CFAP251: variants seen among roughly 807,000 people sequenced by gnomAD.
CFAP251 encodes the protein cilia- and flagella-associated protein 251.
A neutral mutation model predicts 126.7 loss-of-function variants in CFAP251; 93 were observed. The observed-to-expected ratio is 0.73, with a 90% CI of 0.62 to 0.87. The LOEUF is 0.87. CFAP251 is among the 40% of genes least tolerant of loss of function. The pLI is 0.00. For synonymous variants in CFAP251, 503 were observed against 506.9 expected (o/e 0.99, Z 0.10); for missense variants, 1,287 against 1,389.2 (o/e 0.93, Z 1.17).
At chr12:121,928,699 TA>T in intron 3 of CFAP251, among the ~76,000 whole-genome samples, 2 of 58,160 alleles carry the variant, frequency 3.4e-5, no homozygotes, top group African/African-American at 2.1e-4. Context: ...CGTATATATA[TA>T]TATATTTTTT....
intron 15 of CFAP251, among the ~76,000 whole-genome samples, chr12:121,965,821 T>TTCTTC (rs35727266): frequency 2.8e-5 from 3 of 108,964 alleles, no homozygotes; most frequent in East Asian, 5.1e-4. Flanking sequence ...CTTCTTCTTC[T>TTCTTC]TTTTTTTTTT....
chr12:122,002,672 T>C (rs1883175702), intron 21 of CFAP251, among the ~76,000 whole-genome samples: 1 of 152,222 alleles, frequency 6.6e-6, no homozygotes. Context: ...CCCTTCCTGC[T>C]ATAGCCTAAG....
At position 121,934,362 on chromosome 12, in the gene CFAP251, C is replaced by A; in HGVS notation, c.998+6C>A. On this transcript the variant is annotated splice_donor_region_variant and intron_variant, in intron 5 of 21. Coordinates refer to ENST00000288912, the MANE Select transcript of CFAP251 (RefSeq NM_144668.6). ...ATATGGGACTCCTTCACAGGGTAGG[C>A]TTTGTGTAGCCACTTCTTTTTTCCC... 1 of 1,602,292 alleles carries A rather than the reference C, an allele frequency of 6.2e-7. No homozygotes were observed. Among genetic ancestry groups the A allele is most frequent in the Non-Finnish European group, 8.5e-7 (1 of 1,170,024 alleles).
intron 7 of CFAP251, among the ~76,000 whole-genome samples, chr12:121,945,109 T>C (rs542789589): frequency 1.3e-5 from 2 of 152,210 alleles, no homozygotes; most frequent in Admixed American, 1.3e-4. Context: ...TATGCTTTCT[T>C]CTTGGGTATT....
intron 3 of CFAP251, among the ~76,000 whole-genome samples, chr12:121,926,623 C>T (rs969415316): frequency 2.6e-5 from 4 of 152,286 alleles, no homozygotes; most frequent in African/African-American, 7.2e-5. Flanking sequence ...CTACCGTACC[C>T]GGCCTCAATT....
intron 19 of CFAP251, among the ~76,000 whole-genome samples, chr12:121,995,372 AC>A: frequency 6.6e-6 from 1 of 152,400 alleles, no homozygotes; most frequent in Middle Eastern, 3.4e-3. Flanking sequence ...AAGCAATTGT[AC>A]ATAGTATAAA....
intron 3 of CFAP251, among the ~76,000 whole-genome samples, chr12:121,928,630 ATATATACGTATATATATATATATATACG>A (rs1216963703): frequency 2.9e-4 from 7 of 23,878 alleles, no homozygotes; most frequent in Admixed American, 2.0e-3. Flanking sequence ...ATATGTGTAT[ATATATACGTATATATATATATATATACG>A]TATATATATA....
intron 15 of CFAP251, among the ~76,000 whole-genome samples, chr12:121,964,756 CG>C (rs1387353832): frequency 2.0e-5 from 3 of 151,982 alleles, no homozygotes; most frequent in Non-Finnish European, 4.4e-5. Flanking sequence ...AAAAATTAGC[CG>C]GGCGTGGTGG....
intron 19 of CFAP251, among the ~76,000 whole-genome samples, chr12:121,981,688 G>A (rs1882627057): frequency 6.6e-6 from 1 of 152,168 alleles, no homozygotes; most frequent in Non-Finnish European, 1.5e-5. Flanking sequence ...AAATGCCATC[G>A]TGGGCCGTGC....
At chr12:121,993,755 G>GA (rs1882941570) in intron 19 of CFAP251, among the ~76,000 whole-genome samples, 1 of 150,950 alleles carries the variant, frequency 6.6e-6, no homozygotes, top group Non-Finnish European at 1.5e-5. Context: ...GAGAAGTGAG[G>GA]AGCCCCTCTG....
chr12:121,963,445 G>T (rs80210329), intron 15 of CFAP251, among the ~76,000 whole-genome samples: 37,605 of 151,342 alleles, frequency 0.25, 5,883 homozygotes, highest in East Asian at 0.49. Flanking sequence ...TGGAGGTCCC[G>T]GGAGAGGCTG....
chr12:122,001,841 C>T (rs1883159579), intron 21 of CFAP251: 2 of 522,050 alleles, frequency 3.8e-6, no homozygotes, highest in South Asian at 2.1e-5. Flanking sequence ...TTCCACTGAC[C>T]TGTCATCTTG....
At chr12:121,960,145 A>C (rs1407476514) in intron 13 of CFAP251, among the ~76,000 whole-genome samples, 3 of 152,262 alleles carry the variant, frequency 2.0e-5, no homozygotes, top group Non-Finnish European at 4.4e-5. Flanking sequence ...AAAAAAACCC[A>C]AAAAAACTAA....
chr12:121,980,254 C>T (rs1824949), intron 19 of CFAP251, among the ~76,000 whole-genome samples: 7,948 of 152,248 alleles, frequency 0.052, 240 homozygotes, highest in Middle Eastern at 0.072. Context: ...ACAGCTAAGA[C>T]GTGGGCAGGT....
intron 3 of CFAP251, among the ~76,000 whole-genome samples, chr12:121,928,678 ATATATATATACG>A (rs1400791640): frequency 1.8e-4 from 8 of 44,182 alleles, no homozygotes; most frequent in African/African-American, 3.7e-4. Context: ...ACGTATATAT[ATATATATATACG>A]TATATATATA....
At chr12:121,944,711 A>G (rs1170188468) in intron 7 of CFAP251, among the ~76,000 whole-genome samples, 1 of 152,134 alleles carries the variant, frequency 6.6e-6, no homozygotes, top group Non-Finnish European at 1.5e-5. Context: ...AAGGCAGCTA[A>G]TTTTTGTGTG....
intron 5 of CFAP251, among the ~76,000 whole-genome samples, chr12:121,940,570 G>T (rs1881071266): frequency 1.3e-5 from 2 of 152,144 alleles, no homozygotes; most frequent in South Asian, 4.1e-4. Flanking sequence ...CATGTGACCC[G>T]CATTCCTGGT....
chr12:121,940,089 C>T (rs11043253), intron 5 of CFAP251, among the ~76,000 whole-genome samples: 9,027 of 152,040 alleles, frequency 0.059, 500 homozygotes, highest in East Asian at 0.21. Flanking sequence ...AAACCTATTA[C>T]GATTTTAATT....
chr12:121,940,659 C>T (rs1471240884), intron 5 of CFAP251, among the ~76,000 whole-genome samples: 2 of 152,202 alleles, frequency 1.3e-5, no homozygotes, highest in African/African-American at 4.8e-5. Flanking sequence ...CAGCTTCCAT[C>T]TTCGCTTCCA....
Sources: gnomAD v4.1 joint callset for allele counts (sites outside exome capture counted in the v4.1 genomes callset) on GRCh38, gnomAD v4.1.1 for gene constraint, MANE v1.5 for transcripts, NCBI Gene and HGNC (gene_info 2026-07-23, HGNC 2026-07-21) for gene names.